NR3C2: variants seen among roughly 807,000 people sequenced by gnomAD.
NR3C2 encodes mineralocorticoid receptor.
In NR3C2, 15 loss-of-function variants were observed where a neutral mutation model predicts 86.4. The observed-to-expected ratio is 0.17, with a 90% CI of 0.12 to 0.27. The LOEUF (loss-of-function observed/expected upper bound fraction) is 0.27, where lower values mean the gene tolerates loss of function less well. NR3C2 is among the 10% of genes least tolerant of loss of function. The pLI is 1.00. For missense variants in NR3C2, 960 were observed against 1,195.6 expected (o/e 0.80, Z 2.91); for synonymous variants, 458 against 450.5 (o/e 1.02, Z -0.21).
At chr4:148,269,510 T>A (rs2149882727) in intron 2 of NR3C2, among the ~76,000 whole-genome samples, 1 of 152,370 alleles carries the variant, frequency 6.6e-6, no homozygotes, top group Admixed American at 6.5e-5. Context: ...TAGTATGCAC[T>A]TGAGCATATA....
chr4:148,365,151 A>C lies in NR3C2; in HGVS notation c.1757+69953T>G, dbSNP rs1746046842. On this transcript the variant is annotated intron_variant, in intron 2 of 8. Transcript: ENST00000358102. ...TCCATGTAAGTACTTCACAATAAAA[A>C]ATATGAGACACATATCTGGCATGTG... Among the ~76,000 whole-genome samples the C allele has an allele frequency of 2.6e-5, 4 of 152,292 alleles. No individual in the cohort carries two copies. The South Asian group carries it at 8.3e-4, about 32-fold the overall frequency.
Position 148,081,172 on chromosome 4 carries a change from C to T in NR3C2, c.*172G>A. On this transcript the variant is annotated 3_prime_UTR_variant, in exon 9 of 9. Transcript: ENST00000358102. ...CAGACTGCTCTGGTCTCGCCAAATC[C>T]ACGGAAAAACAGCTTTCCCGGCTCC... The T allele has an allele frequency of 1.1e-6, 1 of 878,322 alleles. No individual in the cohort carries two copies. Among genetic ancestry groups the T allele is most frequent in the Admixed American group, 2.1e-5 (1 of 47,736 alleles). The allele number at this position is 878,322 out of a possible 1,614,324, so 54.4% of individuals were successfully genotyped here.
intron 2 of NR3C2, among the ~76,000 whole-genome samples, chr4:148,344,950 T>C (rs555698158): frequency 1.3e-5 from 2 of 152,302 alleles, no homozygotes; most frequent in South Asian, 4.1e-4. Flanking sequence ...CAAATTCAAG[T>C]TGGTTTTCAG....
intron 3 of NR3C2, among the ~76,000 whole-genome samples, chr4:148,217,645 C>T (rs1023538794): frequency 6.6e-6 from 1 of 152,194 alleles, no homozygotes; most frequent in Non-Finnish European, 1.5e-5. Context: ...TGTCTTTTGA[C>T]CCCAGTTGAT....
At chr4:148,292,463 C>A (rs1741843045) in intron 2 of NR3C2, among the ~76,000 whole-genome samples, 1 of 151,960 alleles carries the variant, frequency 6.6e-6, no homozygotes, top group African/African-American at 2.4e-5. Flanking sequence ...TGATATATAA[C>A]ACATATTAAA....
chr4:148,121,351 C>G (rs1732497262), intron 6 of NR3C2, among the ~76,000 whole-genome samples: 1 of 152,210 alleles, frequency 6.6e-6, no homozygotes, highest in Non-Finnish European at 1.5e-5. Flanking sequence ...CATAACGAAA[C>G]ACAGCACATG....
At chr4:148,136,079 AAAAAAAAAAACAC>A (rs1733315820) in intron 6 of NR3C2, among the ~76,000 whole-genome samples, 3 of 139,408 alleles carry the variant, frequency 2.2e-5, no homozygotes, top group Non-Finnish European at 4.6e-5. Flanking sequence ...AAAAAAAACA[AAAAAAAAAAACAC>A]CACCAAAACC....
intron 6 of NR3C2, 25 bp downstream of exon 6, chr4:148,152,444 T>C (rs764634549): frequency 6.2e-7 from 1 of 1,609,994 alleles, no homozygotes; most frequent in Non-Finnish European, 8.5e-7. Flanking sequence ...GTTTATTTTA[T>C]GAAGGCTAAT....
chr4:148,105,117 G>C (rs1731735648), intron 8 of NR3C2, among the ~76,000 whole-genome samples: 1 of 152,056 alleles, frequency 6.6e-6, no homozygotes, highest in Non-Finnish European at 1.5e-5. Context: ...AAATTACCAG[G>C]ACCACAGCGA....
intron 2 of NR3C2, among the ~76,000 whole-genome samples, chr4:148,395,509 G>T (rs1747815987): frequency 6.6e-6 from 1 of 152,206 alleles, no homozygotes; most frequent in Non-Finnish European, 1.5e-5. Flanking sequence ...AAAAGAAAAG[G>T]ACTGAAGCAA....
In NR3C2 at chr4:148,135,925, C is replaced by T. The variant is rs534831778; in HGVS notation, c.2511-15637G>A. Among the ~76,000 whole-genome samples the T allele has an allele frequency of 2.4e-4, 32 of 131,942 alleles. No homozygotes were observed. The Middle Eastern group carries it at 0.023, about 93-fold the overall frequency. 86.6% of individuals were successfully genotyped at this position (131,942 alleles called of 152,430 possible). A position where few individuals can be genotyped will look rare whatever the true frequency, so the allele number is the denominator to read the frequency against. ...ACAAAAAATTAGCCGGGCATAGTGG[C>T]GGGCGCCTGTAGTCCCAGCTACTTG... On this transcript the variant is annotated intron_variant, in intron 6 of 8. Coordinates refer to ENST00000358102, the MANE Select transcript of NR3C2 (RefSeq NM_000901.5).
intron 3 of NR3C2, among the ~76,000 whole-genome samples, chr4:148,243,395 C>T (rs1560997221): frequency 6.6e-6 from 1 of 152,110 alleles, no homozygotes; most frequent in African/African-American, 2.4e-5. Flanking sequence ...ACAAAGACCA[C>T]TAATATGCTC....
chr4:148,349,150 ATCCT>A (rs1745146147), intron 2 of NR3C2, among the ~76,000 whole-genome samples: 1 of 152,134 alleles, frequency 6.6e-6, no homozygotes, highest in South Asian at 2.1e-4. Flanking sequence ...CCTGAAGCAG[ATCCT>A]TCCTTACCAT....
At chr4:148,096,945 G>T (rs539759131) in intron 8 of NR3C2, among the ~76,000 whole-genome samples, 1 of 152,270 alleles carries the variant, frequency 6.6e-6, no homozygotes, top group South Asian at 2.1e-4. Flanking sequence ...GCTTTTGAAC[G>T]AACAGGTTTT....
intron 3 of NR3C2, among the ~76,000 whole-genome samples, chr4:148,234,303 C>T (rs974204226): frequency 5.9e-5 from 9 of 152,022 alleles, no homozygotes; most frequent in East Asian, 3.9e-4. Context: ...TTTATCAGTG[C>T]GCATCAGGCA....
At chr4:148,239,411 T>C (rs372121581) in intron 3 of NR3C2, among the ~76,000 whole-genome samples, 18 of 152,346 alleles carry the variant, frequency 1.2e-4, no homozygotes, top group Admixed American at 7.2e-4. Flanking sequence ...TACCTTTCCT[T>C]TGCCTGCTGC....
chr4:148,363,653 A>G (rs954950456), intron 2 of NR3C2, among the ~76,000 whole-genome samples: 3 of 151,788 alleles, frequency 2.0e-5, no homozygotes, highest in African/African-American at 7.3e-5. Context: ...ACAGGTGCCC[A>G]CCACCACGCC....
intron 3 of NR3C2, among the ~76,000 whole-genome samples, chr4:148,245,111 C>A (rs1176161736): frequency 6.6e-6 from 1 of 152,142 alleles, no homozygotes; most frequent in Admixed American, 6.5e-5. Flanking sequence ...ATTCCCCTGA[C>A]ATTTTATATA....
At chr4:148,381,411 T>G (rs1289826631) in intron 2 of NR3C2, among the ~76,000 whole-genome samples, 2 of 152,202 alleles carry the variant, frequency 1.3e-5, no homozygotes, top group African/African-American at 4.8e-5. Flanking sequence ...TTGTTAAAGT[T>G]TCTAAATGCT....
Sources: gnomAD v4.1 joint callset for allele counts (sites outside exome capture counted in the v4.1 genomes callset) on GRCh38, gnomAD v4.1.1 for gene constraint, MANE v1.5 for transcripts, NCBI Gene and HGNC (gene_info 2026-07-23, HGNC 2026-07-21) for gene names.